MDGA2: variants seen among roughly 807,000 people sequenced by gnomAD.
MDGA2 encodes MAM domain-containing glycosylphosphatidylinositol anchor protein 2.
In MDGA2, 40 loss-of-function variants were observed where a neutral mutation model predicts 117.8. The observed-to-expected ratio is 0.34, with a 90% CI of 0.26 to 0.44. MDGA2 has a LOEUF of 0.44. MDGA2 is among the 20% of genes least tolerant of loss of function. The pLI is 1.00. For missense variants in MDGA2, 1,123 were observed against 1,250.6 expected (o/e 0.90, Z 1.54); for synonymous variants, 452 against 439.0 (o/e 1.03, Z -0.37).
At chr14:47,497,005 G>A (rs1366209447) in intron 1 of MDGA2, among the ~76,000 whole-genome samples, 1 of 151,912 alleles carries the variant, frequency 6.6e-6, no homozygotes, top group African/African-American at 2.4e-5. Context: ...TAGGGTTTGT[G>A]CTGATCTGAC....
At chr14:47,470,886 A>C (rs1893711294) in intron 1 of MDGA2, among the ~76,000 whole-genome samples, 1 of 152,184 alleles carries the variant, frequency 6.6e-6, no homozygotes, top group Non-Finnish European at 1.5e-5. Flanking sequence ...CTTAGTAATG[A>C]GACTATTTTT....
intron 5 of MDGA2, among the ~76,000 whole-genome samples, chr14:47,109,251 CTTTCTAT>C (rs950155705): frequency 1.3e-5 from 2 of 152,204 alleles, no homozygotes; most frequent in African/African-American, 2.4e-5. Flanking sequence ...AGAGCATGAA[CTTTCTAT>C]TTCTTCTACC....
intron 1 of MDGA2, among the ~76,000 whole-genome samples, chr14:47,508,307 T>C (rs894898731): frequency 2.6e-5 from 4 of 151,582 alleles, no homozygotes; most frequent in African/African-American, 4.8e-5. Flanking sequence ...CTGAGTAATG[T>C]AGAGTTAATT....
chr14:47,133,158 T>C (rs1222114936), intron 4 of MDGA2, among the ~76,000 whole-genome samples: 1 of 151,684 alleles, frequency 6.6e-6, no homozygotes, highest in Non-Finnish European at 1.5e-5. Context: ...CAATTTTTGT[T>C]TAGAAGAAAC....
intron 1 of MDGA2, among the ~76,000 whole-genome samples, chr14:47,440,780 T>C (rs563263576): frequency 4.6e-5 from 7 of 152,182 alleles, no homozygotes; most frequent in South Asian, 2.1e-4. Context: ...TTTGTCCCCA[T>C]AGTTATGCTT....
At chr14:47,367,620 AGC>A (rs1003979592) in intron 1 of MDGA2, among the ~76,000 whole-genome samples, 1 of 152,246 alleles carries the variant, frequency 6.6e-6, no homozygotes, top group Admixed American at 6.5e-5. Flanking sequence ...TCCATGGGCA[AGC>A]CATTCTAAAA....
intron 3 of MDGA2, among the ~76,000 whole-genome samples, chr14:47,215,399 T>A (rs1306119106): frequency 1.3e-5 from 2 of 152,066 alleles, no homozygotes; most frequent in Admixed American, 6.6e-5. Context: ...AATACACTAG[T>A]CATGTCTTTA....
intron 3 of MDGA2, among the ~76,000 whole-genome samples, chr14:47,160,055 G>A (rs1030606482): frequency 1.4e-4 from 22 of 152,020 alleles, no homozygotes. Flanking sequence ...GTGTCACTTC[G>A]AGGTCTAATT....
intron 10 of MDGA2, among the ~76,000 whole-genome samples, chr14:46,904,638 T>G (rs901810682): frequency 1.3e-5 from 2 of 152,228 alleles, no homozygotes; most frequent in African/African-American, 4.8e-5. Context: ...AGAAAATTCA[T>G]ACCAAAGCCA....
chr14:47,653,467 C>A (rs188456912), intron 1 of MDGA2, among the ~76,000 whole-genome samples: 1 of 152,102 alleles, frequency 6.6e-6, no homozygotes, highest in African/African-American at 2.4e-5. Flanking sequence ...ATGGTTATCT[C>A]TGGAGGCTAC....
intron 1 of MDGA2, among the ~76,000 whole-genome samples, chr14:47,451,054 C>CCTG (rs1893231458): frequency 6.6e-6 from 1 of 152,096 alleles, no homozygotes; most frequent in African/African-American, 2.4e-5. Context: ...GAAAAGGTAC[C>CCTG]TCAGTGGATT....
rs531911910 is a variant in MDGA2 at position 47,631,532 on chromosome 14, G to A, written c.280+42985C>T. Among the ~76,000 whole-genome samples the A allele has an allele frequency of 7.9e-5, 12 of 152,176 alleles. 1 individual carries two copies. The highest frequency in any genetic ancestry group is 1.9e-4 in the East Asian group (1 of 5,174). ...GCCAAATTTCTTCCCCAAATTATCC[G>A]TAACGGATGACAATATTTCCTGCCA... On this transcript the variant is annotated intron_variant, in intron 1 of 16. Coordinates refer to ENST00000399232, the MANE Select transcript of MDGA2 (RefSeq NM_001113498.3).
At chr14:47,004,395 T>C (rs1463374762) in intron 8 of MDGA2, among the ~76,000 whole-genome samples, 1 of 151,820 alleles carries the variant, frequency 6.6e-6, no homozygotes, top group Non-Finnish European at 1.5e-5. Flanking sequence ...TCCACATATA[T>C]ATGGGTTTAT....
intron 1 of MDGA2, among the ~76,000 whole-genome samples, chr14:47,464,207 G>C (rs1893552170): frequency 6.6e-6 from 1 of 151,822 alleles, no homozygotes; most frequent in Admixed American, 6.6e-5. Flanking sequence ...ACCTGAGATG[G>C]ACCAAAGGTG....
intron 1 of MDGA2, among the ~76,000 whole-genome samples, chr14:47,523,572 A>C (rs1288652997): frequency 2.0e-5 from 3 of 152,088 alleles, no homozygotes; most frequent in Non-Finnish European, 4.4e-5. Context: ...TCTCGATATA[A>C]ATTCAAATGA....
intron 2 of MDGA2, among the ~76,000 whole-genome samples, chr14:47,240,206 A>G (rs573323663): frequency 1.3e-5 from 2 of 151,588 alleles, no homozygotes; most frequent in South Asian, 2.1e-4. Context: ...CACCAATCCC[A>G]GCTAATTTTT....
chr14:47,468,172 T>C (rs1302910712), intron 1 of MDGA2, among the ~76,000 whole-genome samples: 2 of 152,146 alleles, frequency 1.3e-5, no homozygotes, highest in Non-Finnish European at 2.9e-5. Context: ...TGAGTAACAG[T>C]GACATAGACA....
rs544711616 is a variant in MDGA2 at position 47,338,763 on chromosome 14, C to T, written c.281-37213G>A. ...TCAGATAAGGCTATTTCACAGAAGG[C>T]ATGTTTTCGAGCTATGAGATATTAT... On this transcript the variant is annotated intron_variant, in intron 1 of 16. Transcript: ENST00000399232. 2.6e-3 allele frequency among the ~76,000 whole-genome samples: 390 copies of T among 152,114 alleles called. 2 individuals carry two copies. Among genetic ancestry groups the T allele is most frequent in the African/African-American group, 9.2e-3 (381 of 41,510 alleles).
chr14:46,882,019 T>C, intron 11 of MDGA2, 25 bp downstream of exon 11: 1 of 1,437,950 alleles, frequency 7.0e-7, no homozygotes. Flanking sequence ...TATAAATAAA[T>C]AATTTTAAAT....
Sources: allele counts gnomAD v4.1 joint callset (sites outside exome capture counted in the v4.1 genomes callset), GRCh38; gene constraint gnomAD v4.1.1; transcripts MANE v1.5; gene names NCBI Gene and HGNC (gene_info 2026-07-23, HGNC 2026-07-21).